The following NCAM1 variants were observed in gnomAD, a reference collection of about 807,000 sequenced individuals.
NCAM1 encodes the protein antigen recognized by monoclonal antibody 5.1H11.
NCAM1 carries 14 observed loss-of-function variants against 109.8 expected under a neutral mutation model. That is an observed-to-expected ratio of 0.13 (90% CI 0.08 to 0.20). NCAM1 has a LOEUF of 0.20. Among genes scored for constraint, NCAM1 ranks in the 10% least tolerant of loss-of-function variants. The pLI is 1.00. For synonymous variants in NCAM1, 418 were observed against 442.9 expected (o/e 0.94, Z 0.70); for missense variants, 774 against 1,109.9 (o/e 0.70, Z 4.30).
chr11:113,139,948 T>C (rs1941752996), intron 1 of NCAM1, among the ~76,000 whole-genome samples: 1 of 152,208 alleles, frequency 6.6e-6, no homozygotes, highest in South Asian at 2.1e-4. Flanking sequence ...GATAAAAAAT[T>C]GTAACATCTT....
intron 1 of NCAM1, among the ~76,000 whole-genome samples, chr11:113,019,794 C>T (rs2135223997): frequency 6.6e-6 from 1 of 152,330 alleles, no homozygotes; most frequent in Non-Finnish European, 1.5e-5. Context: ...TTTCCCTTCG[C>T]TTCCCTCCCT....
rs59372688 is a variant in NCAM1, at chr11:113,243,690, C to T, written c.1826-2678C>T. The stretch of plus-strand genomic sequence containing the variant: ...TGCGTGCATGTTCATAGTGTTCAAG[C>T]ATCAAAGCTGTGTGGGAGTTTTAGA... On this transcript the variant is annotated intron_variant, in intron 14 of 19. Coordinates refer to ENST00000316851, the MANE Select transcript of NCAM1 (RefSeq NM_181351.5). The T allele has an allele frequency of 2.9e-3, 1,318 of 450,544 alleles. 8 individuals are homozygous for T. Among genetic ancestry groups the T allele is most frequent in the African/African-American group, 0.023 (1,140 of 50,246 alleles). 27.9% of individuals were successfully genotyped at this position (450,544 alleles called of 1,614,324 possible).
chr11:113,125,534 G>A (rs1228380553), intron 1 of NCAM1, among the ~76,000 whole-genome samples: 1 of 152,170 alleles, frequency 6.6e-6, no homozygotes. Context: ...TCCAAGAGTG[G>A]CCCTTTACAC....
In NCAM1 at chr11:113,214,384, C is replaced by T. The variant is rs1468210211; in HGVS notation, c.932C>T (p.Thr311Ile). 1.9e-6 allele frequency: 3 copies of T among 1,613,924 alleles called. No individual in the cohort carries two copies. The highest frequency in any genetic ancestry group is 4.5e-5 in the East Asian group (2 of 44,884). Residue 311 changes from threonine (T) to isoleucine (I), a missense_variant, in exon 8 of 20, where the codon ACA (threonine) becomes ATA (isoleucine). By Grantham distance (89) the Thr-to-Ile change is moderately conservative (BLOSUM62 -1). Transcript: ENST00000316851. ...GTCTTTTCAGCAAAACCCAAAATCA[C>T]ATATGTAGAGAACCAGACTGCCATG... The part of the protein sequence containing the change: ...HLKVFAKPKI[T>I]YVENQTAMEL...
intron 1 of NCAM1, among the ~76,000 whole-genome samples, chr11:113,072,444 A>G (rs1326221518): frequency 1.3e-5 from 2 of 152,192 alleles, no homozygotes; most frequent in African/African-American, 4.8e-5. Flanking sequence ...GTGAAGACAG[A>G]GCATTTTAAA....
At chr11:113,148,395 TTTAAG>T (rs1309782725) in intron 1 of NCAM1, among the ~76,000 whole-genome samples, 2 of 151,894 alleles carry the variant, frequency 1.3e-5, no homozygotes, top group Non-Finnish European at 2.9e-5. Context: ...TTTTTTTCTT[TTTAAG>T]TTAACTAGAT....
chr11:112,993,219 G>C (rs2134855080), intron 1 of NCAM1, among the ~76,000 whole-genome samples: 1 of 152,270 alleles, frequency 6.6e-6, no homozygotes, highest in East Asian at 1.9e-4. Context: ...CATCTGCTTG[G>C]CTTCTAGGGA....
chr11:112,976,673 G>T (rs1011646070), intron 1 of NCAM1, among the ~76,000 whole-genome samples: 2 of 151,838 alleles, frequency 1.3e-5, no homozygotes, highest in Non-Finnish European at 2.9e-5. Flanking sequence ...TGTCTGTTTC[G>T]AGTCATGTAT....
chr11:113,255,789 G>A (rs1343511606), intron 15 of NCAM1, 88 bp from the exon 16 acceptor site: 45 of 1,462,312 alleles, frequency 3.1e-5, no homozygotes, highest in Non-Finnish European at 4.1e-5. Context: ...AAAGTGTCCA[G>A]CCCCACCCTG....
chr11:112,982,792 AG>A (rs1179410350), intron 1 of NCAM1, among the ~76,000 whole-genome samples: 1 of 151,924 alleles, frequency 6.6e-6, no homozygotes, highest in East Asian at 1.9e-4. Context: ...TTTTTAAAAA[AG>A]GTAATAGTTT....
At chr11:113,163,898 G>C (rs913403634) in intron 1 of NCAM1, among the ~76,000 whole-genome samples, 1 of 152,128 alleles carries the variant, frequency 6.6e-6, no homozygotes, top group Admixed American at 6.5e-5. Context: ...GAGTGAGCAA[G>C]TATTGGGAGG....
At position 112,962,459 on chromosome 11, in the gene NCAM1, CGT is replaced by C. The variant is rs1361354073; in HGVS notation, c.52+800_52+801del. Among the ~76,000 whole-genome samples, 1 of 151,848 alleles carries C rather than the reference CGT, an allele frequency of 6.6e-6. No individual in the cohort carries two copies. The highest frequency in any genetic ancestry group is 1.5e-5 in the Non-Finnish European group (1 of 67,926). On this transcript the variant is annotated intron_variant, in intron 1 of 19. Transcript: ENST00000316851. The surrounding 1 kb of genome is among the most constrained non-coding windows in gnomAD (Gnocchi z 5.6). The stretch of plus-strand genomic sequence containing the variant: ...TGGTGTGTGCGCGCGCGTGTGCGCG[CGT>C]GTGTCTTTACACGCGCCGCGTGCCC...
intron 1 of NCAM1, among the ~76,000 whole-genome samples, chr11:113,125,666 C>T (rs553621337): frequency 1.1e-4 from 16 of 152,202 alleles, no homozygotes; most frequent in Non-Finnish European, 1.8e-4. Flanking sequence ...GGGCAGAGTG[C>T]AGGATGCCAG....
chr11:113,069,986 T>C (rs1344349002), intron 1 of NCAM1, among the ~76,000 whole-genome samples: 5 of 151,814 alleles, frequency 3.3e-5, no homozygotes, highest in Non-Finnish European at 7.4e-5. Flanking sequence ...AAAATGCAAA[T>C]ACGGCCCTGG....
rs182317290 is a variant in NCAM1, at chr11:112,979,913, A to C, written c.52+18249A>C. Among the ~76,000 whole-genome samples the C allele has an allele frequency of 1.8e-3, 273 of 152,002 alleles. 1 individual carries two copies. The highest frequency in any genetic ancestry group is 6.1e-3 in the African/African-American group (252 of 41,520). ...TGCAAAACAAAAACAGCTGGTATCAAGCACCACTTGATCACCTTTAAATTC... is the reference window on the plus strand; with the variant it reads ...TGCAAAACAAAAACAGCTGGTATCACGCACCACTTGATCACCTTTAAATTC... On this transcript the variant is annotated intron_variant, in intron 1 of 19. Coordinates refer to ENST00000316851, the MANE Select transcript of NCAM1 (RefSeq NM_181351.5).
At chr11:112,982,752 T>C (rs1357911567) in intron 1 of NCAM1, among the ~76,000 whole-genome samples, 2 of 151,576 alleles carry the variant, frequency 1.3e-5, no homozygotes, top group Non-Finnish European at 3.0e-5. Flanking sequence ...AGCAACAGAA[T>C]TGAGGAAGGG....
Position 113,053,005 on chromosome 11 carries a change from G to T in NCAM1, c.52+91341G>T, listed in dbSNP as rs537279424. On this transcript the variant is annotated intron_variant, in intron 1 of 19. Coordinates refer to ENST00000316851, the MANE Select transcript of NCAM1 (RefSeq NM_181351.5). ...TCCTAGGGCTCCCCTGCCACAAAGA[G>T]TGTAGGTCTTTGCGTTAAAACTCTT... 5.1e-3 allele frequency among the ~76,000 whole-genome samples: 783 copies of T among 152,310 alleles called. 7 individuals are homozygous for T. The highest frequency in any genetic ancestry group is 8.7e-3 in the Non-Finnish European group (593 of 68,032).
At chr11:113,109,577 G>A (rs1207816704) in intron 1 of NCAM1, among the ~76,000 whole-genome samples, 4 of 152,172 alleles carry the variant, frequency 2.6e-5, no homozygotes, top group Non-Finnish European at 4.4e-5. Context: ...GCTAGGCACT[G>A]GGGACAGGGA....
At chr11:113,037,775 C>G (rs1591270766) in intron 1 of NCAM1, among the ~76,000 whole-genome samples, 2 of 152,350 alleles carry the variant, frequency 1.3e-5, no homozygotes, top group African/African-American at 4.8e-5. Context: ...ATACCATACT[C>G]TGGTCCTCAT....
Sources: gnomAD v4.1 joint callset for allele counts (sites outside exome capture counted in the v4.1 genomes callset) on GRCh38, gnomAD v4.1.1 for gene constraint, Gnocchi (gnomAD v3.1) non-coding constraint, MANE v1.5 for transcripts, NCBI Gene and HGNC (gene_info 2026-07-23, HGNC 2026-07-21) for gene names.